DGKB: variants seen among roughly 807,000 people sequenced by gnomAD.
The protein encoded by DGKB is diacylglycerol kinase beta, also known as 90 kDa diacylglycerol kinase.
Under a neutral mutation model 114.3 loss-of-function variants are expected in DGKB, and 67 were observed. That is an observed-to-expected ratio of 0.59 (90% CI 0.48 to 0.72). The LOEUF (loss-of-function observed/expected upper bound fraction) is 0.72. Among genes scored for constraint, DGKB ranks in the 30% least tolerant of loss-of-function variants. DGKB has a pLI of 0.00. For missense variants in DGKB, 907 were observed against 975.2 expected (o/e 0.93, Z 0.93); for synonymous variants, 398 against 323.1 (o/e 1.23, Z -2.49).
At chr7:14,713,833 T>C (rs1329255714) in intron 6 of DGKB, among the ~76,000 whole-genome samples, 1 of 152,074 alleles carries the variant, frequency 6.6e-6, no homozygotes, top group African/African-American at 2.4e-5. Flanking sequence ...TCTTTAGTGA[T>C]ACATTTTAAG....
At position 14,685,242 on chromosome 7, in the gene DGKB, C is replaced by T. The variant is rs777406111; in HGVS notation, c.829+3G>A. 6.2e-7 allele frequency: 1 copy of T among 1,604,408 alleles called. No individual in the cohort carries two copies. The highest frequency in any genetic ancestry group is 2.2e-5 in the East Asian group (1 of 44,832). ...GATGTCCAGGCAGAGCAAATGTACT[C>T]ACAGGAACAGCAGAGGCCCTGCTTC... is the stretch of plus-strand genomic sequence containing the variant. On this transcript the variant is annotated splice_donor_region_variant and intron_variant, in intron 10 of 25. Transcript: ENST00000402815.
chr7:14,307,427 A>T (rs1349282843), intron 23 of DGKB, among the ~76,000 whole-genome samples: 1 of 152,226 alleles, frequency 6.6e-6, no homozygotes, highest in Non-Finnish European at 1.5e-5. Context: ...GACTAAGCAT[A>T]TTAATTGAAT....
intron 21 of DGKB, among the ~76,000 whole-genome samples, chr7:14,365,372 C>T (rs1168598457): frequency 6.6e-6 from 1 of 152,012 alleles, no homozygotes; most frequent in Non-Finnish European, 1.5e-5. Context: ...TAATCCTTAA[C>T]TTCACGTCTT....
intron 1 of DGKB, among the ~76,000 whole-genome samples, chr7:14,938,359 G>A (rs1171684415): frequency 3.3e-5 from 5 of 152,150 alleles, no homozygotes; most frequent in African/African-American, 4.8e-5. Flanking sequence ...ATGTTTAGGC[G>A]TTTAAGATGG....
intron 2 of DGKB, among the ~76,000 whole-genome samples, chr7:14,824,691 G>A (rs749637348): frequency 6.6e-6 from 1 of 151,942 alleles, no homozygotes; most frequent in Non-Finnish European, 1.5e-5. Flanking sequence ...TGAGTTACAT[G>A]AGAAATTAGA....
intron 13 of DGKB, among the ~76,000 whole-genome samples, chr7:14,642,351 T>A (rs774410106): frequency 5.3e-5 from 8 of 152,166 alleles, no homozygotes; most frequent in Non-Finnish European, 1.0e-4. Context: ...TGCCATCCTT[T>A]TTCTTTATTT....
intron 23 of DGKB, among the ~76,000 whole-genome samples, chr7:14,226,999 A>C (rs2128333439): frequency 6.6e-6 from 1 of 152,114 alleles, no homozygotes; most frequent in Admixed American, 6.6e-5. Context: ...CCACCTTCTA[A>C]GTAACTGGGA....
At chr7:14,962,461 G>A (rs1319024535) in intron 1 of DGKB, among the ~76,000 whole-genome samples, 1 of 152,132 alleles carries the variant, frequency 6.6e-6, no homozygotes, top group African/African-American at 2.4e-5. Context: ...GAGGTATAGA[G>A]TATGTGTTCA....
intron 13 of DGKB, among the ~76,000 whole-genome samples, chr7:14,661,218 C>T (rs962207836): frequency 6.7e-6 from 1 of 149,770 alleles, no homozygotes. Flanking sequence ...TCTAATTAAA[C>T]TAAAGAGCTT....
At chr7:14,782,833 A>C (rs571952659) in intron 2 of DGKB, among the ~76,000 whole-genome samples, 2 of 151,894 alleles carry the variant, frequency 1.3e-5, no homozygotes, top group Admixed American at 1.3e-4. Context: ...ATGATTATAT[A>C]TATATATATA....
intron 13 of DGKB, among the ~76,000 whole-genome samples, chr7:14,652,327 G>A (rs575690776): frequency 1.1e-4 from 17 of 152,228 alleles, no homozygotes; most frequent in Admixed American, 6.5e-5. Flanking sequence ...ACAGAACAGA[G>A]CCCTCAGAAA....
intron 14 of DGKB, among the ~76,000 whole-genome samples, chr7:14,626,925 T>C (rs1389421899): frequency 2.6e-5 from 4 of 152,178 alleles, no homozygotes; most frequent in Non-Finnish European, 5.9e-5. Flanking sequence ...TGCAGCTTTG[T>C]CTTTTATTTC....
chr7:14,264,178 G>A (rs1455824399), intron 23 of DGKB, among the ~76,000 whole-genome samples: 1 of 152,152 alleles, frequency 6.6e-6, no homozygotes, highest in Non-Finnish European at 1.5e-5. Context: ...GATGACAGTG[G>A]ATTGACTGTT....
At chr7:14,477,455 T>G (rs549223019) in intron 21 of DGKB, among the ~76,000 whole-genome samples, 36 of 152,304 alleles carry the variant, frequency 2.4e-4, no homozygotes, top group Non-Finnish European at 5.0e-4. Flanking sequence ...ATGAGTATAA[T>G]TGAAGCAAAA....
At chr7:14,338,454 T>C (rs901774999) in intron 23 of DGKB, 61 bp downstream of exon 23, 1 of 1,087,202 alleles carries the variant, frequency 9.2e-7, no homozygotes, top group Admixed American at 2.6e-5. Context: ...TCTTTACTTT[T>C]AAAGAAGCCT....
intron 20 of DGKB, among the ~76,000 whole-genome samples, chr7:14,520,501 C>A (rs933616434): frequency 1.3e-5 from 2 of 151,756 alleles, no homozygotes; most frequent in Non-Finnish European, 2.9e-5. Flanking sequence ...AGCTACCTTG[C>A]ATAAAGTTTT....
chr7:14,267,101 C>T (rs759781924), intron 23 of DGKB, among the ~76,000 whole-genome samples: 7 of 152,096 alleles, frequency 4.6e-5, no homozygotes, highest in Non-Finnish European at 8.8e-5. Flanking sequence ...ATTAAAAATG[C>T]CACAAGTTTT....
chr7:14,858,803 G>T (rs1311220962), intron 1 of DGKB, among the ~76,000 whole-genome samples: 1 of 152,124 alleles, frequency 6.6e-6, no homozygotes, highest in Non-Finnish European at 1.5e-5. Context: ...ATAAAGACTA[G>T]CCAGCAAAAC....
At chr7:14,860,056 A>C (rs1343353030) in intron 1 of DGKB, among the ~76,000 whole-genome samples, 1 of 152,116 alleles carries the variant, frequency 6.6e-6, no homozygotes, top group Non-Finnish European at 1.5e-5. Context: ...AAAAGAAAAC[A>C]GTTTCTTTAA....
Sources: gnomAD v4.1 joint callset for allele counts (sites outside exome capture counted in the v4.1 genomes callset) on GRCh38, gnomAD v4.1.1 for gene constraint, MANE v1.5 for transcripts, NCBI Gene and HGNC (gene_info 2026-07-23, HGNC 2026-07-21) for gene names.